RNF17: variants seen among roughly 807,000 people sequenced by gnomAD.
RNF17 encodes the protein ring finger protein 17.
RNF17 carries 31 observed loss-of-function variants against 200.5 expected under a neutral mutation model. That is an observed-to-expected ratio of 0.15 (90% CI 0.12 to 0.21). The LOEUF (loss-of-function observed/expected upper bound fraction) is 0.21, where lower values mean the gene tolerates loss of function less well. Ranked by LOEUF, RNF17 falls within the 10% of genes least tolerant of loss-of-function variation. The pLI is 1.00. For synonymous variants in RNF17, 606 were observed against 637.8 expected (o/e 0.95, Z 0.75); for missense variants, 1,628 against 1,905.1 (o/e 0.85, Z 2.71).
At chr13:24,842,790 G>A (rs1175156469) in intron 19 of RNF17, among the ~76,000 whole-genome samples, 1 of 152,002 alleles carries the variant, frequency 6.6e-6, no homozygotes, top group Non-Finnish European at 1.5e-5. Context: ...TTTGAGACCA[G>A]CCTGTCCAAT....
chr13:24,784,770 GACCTCGGCTC>G (rs1882876242), intron 6 of RNF17, among the ~76,000 whole-genome samples: 1 of 151,980 alleles, frequency 6.6e-6, no homozygotes, highest in Admixed American at 6.5e-5. Flanking sequence ...GCAGTGGCGC[GACCTCGGCTC>G]ACCAGAACCT....
chr13:24,779,064 G>A (rs542269880), intron 4 of RNF17, among the ~76,000 whole-genome samples: 8 of 152,142 alleles, frequency 5.3e-5, no homozygotes, highest in Non-Finnish European at 8.8e-5. Flanking sequence ...TGCTGTGGTC[G>A]TGCACACCTG....
chr13:24,869,636 T>A (rs1369883418), intron 31 of RNF17, among the ~76,000 whole-genome samples: 1 of 152,132 alleles, frequency 6.6e-6, no homozygotes, highest in Non-Finnish European at 1.5e-5. Flanking sequence ...GCCTCTCCAG[T>A]TGTCTGCTTG....
chr13:24,850,182 A>T (rs1187140490), intron 22 of RNF17, among the ~76,000 whole-genome samples, 159 bp from the exon 23 acceptor site: 1 of 152,270 alleles, frequency 6.6e-6, no homozygotes, highest in Middle Eastern at 3.2e-3. Flanking sequence ...GAGGGAAAAA[A>T]TTGTAAAAAT....
chr13:24,880,331 G>A (rs1027810368), downstream of RNF17, among the ~76,000 whole-genome samples: 2 of 152,170 alleles, frequency 1.3e-5, no homozygotes, highest in South Asian at 2.1e-4. Context: ...AACCACCCCC[G>A]TGATCTGATC....
chr13:24,885,744 CTTAG>C, the RNF17 span: 1 of 1,032,526 alleles, frequency 9.7e-7, no homozygotes, highest in Non-Finnish European at 1.5e-6. Flanking sequence ...CACACATTTC[CTTAG>C]TTCATATCCT....
At chr13:24,812,453 T>G (rs1886788073) in intron 15 of RNF17, among the ~76,000 whole-genome samples, 1 of 152,126 alleles carries the variant, frequency 6.6e-6, no homozygotes, top group African/African-American at 2.4e-5. Flanking sequence ...GGGAACTCCC[T>G]GACCCCTTGC....
intron 10 of RNF17, among the ~76,000 whole-genome samples, chr13:24,795,889 A>G (rs1488724575): frequency 6.6e-6 from 1 of 152,214 alleles, no homozygotes; most frequent in Non-Finnish European, 1.5e-5. Context: ...GATTTCATTT[A>G]TTTAGCGTAT....
chr13:24,750,400 C>T, the RNF17 span, among the ~76,000 whole-genome samples: 1 of 152,206 alleles, frequency 6.6e-6, no homozygotes, highest in Admixed American at 6.5e-5. Context: ...GCAACCATCA[C>T]TACAGTCCAA....
intron 25 of RNF17, 90 bp downstream of exon 25, chr13:24,854,234 T>G (rs1877750238): frequency 1.0e-6 from 1 of 956,358 alleles, no homozygotes; most frequent in South Asian, 1.7e-5. Context: ...AACGTTATTT[T>G]CACAAGGTTG....
chr13:24,857,295 T>C (rs1892613111), intron 25 of RNF17, among the ~76,000 whole-genome samples: 1 of 151,980 alleles, frequency 6.6e-6, no homozygotes, highest in African/African-American at 2.4e-5. Context: ...AATATAAAAA[T>C]CCTGGAGTCC....
intron 9 of RNF17, among the ~76,000 whole-genome samples, chr13:24,792,595 C>G (rs1884010992): frequency 6.6e-6 from 1 of 152,274 alleles, no homozygotes; most frequent in African/African-American, 2.4e-5. Context: ...ATATATGACT[C>G]TCAGTTGTTT....
At chr13:24,827,091 G>T (rs1450178000) in intron 16 of RNF17, among the ~76,000 whole-genome samples, 3 of 151,430 alleles carry the variant, frequency 2.0e-5, no homozygotes, top group African/African-American at 7.3e-5. Context: ...CACCACGCCC[G>T]GCTAATTTTT....
chr13:24,855,764 A>C (rs1278186406), intron 25 of RNF17, among the ~76,000 whole-genome samples: 1 of 152,232 alleles, frequency 6.6e-6, no homozygotes, highest in Non-Finnish European at 1.5e-5. Context: ...ACACTTAATA[A>C]GGTCAGATTA....
intron 19 of RNF17, among the ~76,000 whole-genome samples, chr13:24,843,425 G>A (rs1481352957): frequency 6.6e-6 from 1 of 152,134 alleles, no homozygotes; most frequent in Non-Finnish European, 1.5e-5. Flanking sequence ...GGCTGAGGCA[G>A]GAGAATTGCT....
At chr13:24,817,600 T>G (rs1379439025) in intron 15 of RNF17, among the ~76,000 whole-genome samples, 1 of 151,842 alleles carries the variant, frequency 6.6e-6, no homozygotes, top group East Asian at 1.9e-4. Flanking sequence ...GCACCTGTAG[T>G]CCCAGCTACT....
rs1396831950 is a variant in RNF17, at chr13:24,877,075, C to G, written c.4662C>G (p.Pro1554=). ...TTCTCTTGGCAGGGTTTAAACCTCC[C>G]TTAAGGGATCTAGGGGAGACAAGAA... is the stretch of plus-strand genomic sequence containing the variant. ...IKVLLAGFKP[P]LRDLGETRIP... is the part of the protein sequence containing the mutation. The change falls in exon 34 of 36, where the codon CCC becomes CCG. Residue 1554 remains proline (P), a synonymous_variant. Coordinates refer to ENST00000255324, the MANE Select transcript of RNF17 (RefSeq NM_031277.3). The G allele has an allele frequency of 1.2e-6, 2 of 1,613,530 alleles. No homozygotes were observed. The highest frequency in any genetic ancestry group is 1.7e-6 in the Non-Finnish European group (2 of 1,179,768).
chr13:24,768,340 A>G (rs981055463), intron 2 of RNF17, among the ~76,000 whole-genome samples: 1 of 141,260 alleles, frequency 7.1e-6, no homozygotes, highest in African/African-American at 2.7e-5. Context: ...GCTGGAGTGC[A>G]GTGACTCAAT....
intron 15 of RNF17, among the ~76,000 whole-genome samples, chr13:24,812,632 C>T (rs1449952757): frequency 2.2e-4 from 32 of 147,470 alleles, no homozygotes; most frequent in African/African-American, 5.9e-4. Context: ...AGCTGTAGAC[C>T]GGAGCTGTTC....
Sources: allele counts gnomAD v4.1 joint callset (sites outside exome capture counted in the v4.1 genomes callset), GRCh38; gene constraint gnomAD v4.1.1; transcripts MANE v1.5; gene names NCBI Gene and HGNC (gene_info 2026-07-23, HGNC 2026-07-21).